The following VDAC1 variants were observed in gnomAD, a reference collection of about 807,000 sequenced individuals.
The protein encoded by VDAC1 is non-selective voltage-gated ion channel VDAC1.
A neutral mutation model predicts 34.7 loss-of-function variants in VDAC1; 10 were observed. The ratio of observed to expected loss-of-function variants is 0.29; its 90% CI spans 0.18 to 0.49. VDAC1 has a LOEUF of 0.49. VDAC1 is among the 20% of genes least tolerant of loss of function. VDAC1 has a pLI of 0.99. For synonymous variants in VDAC1, 130 were observed against 136.0 expected, an observed-to-expected ratio of 0.96 and a Z score of 0.30; for missense variants, 230 against 347.9, an observed-to-expected ratio of 0.66 and a Z score of 2.69.
At chr5:134,033,412 T>C in the VDAC1 span, among the ~76,000 whole-genome samples, 1 of 151,432 alleles carries the variant, frequency 6.6e-6, no homozygotes. Flanking sequence ...CGCCTCGGCC[T>C]CCCAAAGTGC....
the VDAC1 span, among the ~76,000 whole-genome samples, chr5:134,072,761 A>G: frequency 6.6e-6 from 1 of 152,286 alleles, no homozygotes; most frequent in East Asian, 1.9e-4. Flanking sequence ...CCTCTGCCCC[A>G]GTGATGGTCT....
the VDAC1 span, among the ~76,000 whole-genome samples, chr5:134,075,385 A>ACACT: frequency 6.6e-6 from 1 of 152,134 alleles, no homozygotes; most frequent in Non-Finnish European, 1.5e-5. Flanking sequence ...TACTATCCAC[A>ACACT]CACTAGTCAC....
At chr5:134,001,925 G>C (rs761466069) in intron 1 of VDAC1, among the ~76,000 whole-genome samples, 19 of 151,936 alleles carry the variant, frequency 1.3e-4, no homozygotes, top group Non-Finnish European at 2.6e-4. Flanking sequence ...AATGCGCCCA[G>C]ACCCAGCTGA....
chr5:134,046,359 C>T, the VDAC1 span, among the ~76,000 whole-genome samples: 11 of 151,992 alleles, frequency 7.2e-5, no homozygotes, highest in East Asian at 1.6e-3. Context: ...AAAATAGAGA[C>T]GGGGTCTCCT....
the VDAC1 span, among the ~76,000 whole-genome samples, chr5:134,017,680 G>A: frequency 2.0e-5 from 3 of 152,142 alleles, no homozygotes; most frequent in Non-Finnish European, 2.9e-5. Flanking sequence ...TTGGGAGGCC[G>A]AGGTGGGCGG....
At chr5:134,091,619 CA>C in the VDAC1 span, among the ~76,000 whole-genome samples, 9 of 152,198 alleles carry the variant, frequency 5.9e-5, no homozygotes, top group Non-Finnish European at 1.3e-4. Context: ...ACTAGGTCTG[CA>C]GACACATGAG....
chr5:134,064,600 G>T, the VDAC1 span, among the ~76,000 whole-genome samples: 1 of 151,972 alleles, frequency 6.6e-6, no homozygotes, highest in Non-Finnish European at 1.5e-5. Flanking sequence ...CGCTGGGCCT[G>T]GTCTGATTAT....
At chr5:134,097,652 G>A in the VDAC1 span, among the ~76,000 whole-genome samples, 1 of 152,184 alleles carries the variant, frequency 6.6e-6, no homozygotes, top group South Asian at 2.1e-4. Context: ...CTCACCCACG[G>A]TGGAGGGGCT....
chr5:134,096,213 C>A, the VDAC1 span, among the ~76,000 whole-genome samples: 1 of 152,260 alleles, frequency 6.6e-6, no homozygotes, highest in African/African-American at 2.4e-5. Context: ...CCTCAGCCCT[C>A]CCCAGGCCCC....
chr5:134,061,847 T>C, the VDAC1 span, among the ~76,000 whole-genome samples: 9 of 152,008 alleles, frequency 5.9e-5, no homozygotes, highest in South Asian at 1.9e-3. Context: ...TCATGTCAGA[T>C]TTTAACGGAA....
chr5:134,063,216 A>G, the VDAC1 span, among the ~76,000 whole-genome samples: 1 of 152,220 alleles, frequency 6.6e-6, no homozygotes, highest in Non-Finnish European at 1.5e-5. Context: ...ATATATTACT[A>G]TTAACTAAAC....
chr5:134,064,566 A>G, the VDAC1 span, among the ~76,000 whole-genome samples: 1 of 151,962 alleles, frequency 6.6e-6, no homozygotes, highest in Admixed American at 6.5e-5. Context: ...GGCCTCCCAA[A>G]GTGCTGGGAT....
the VDAC1 span, among the ~76,000 whole-genome samples, chr5:134,015,739 G>C: frequency 6.6e-6 from 1 of 151,814 alleles, no homozygotes; most frequent in African/African-American, 2.4e-5. Flanking sequence ...CCGCCTCCCG[G>C]GTTCAAGCGA....
At chr5:134,005,602 T>A (rs1040474366), upstream of VDAC1, 2 of 152,080 alleles carry the variant, frequency 1.3e-5, no homozygotes, top group African/African-American at 4.8e-5. Flanking sequence ...CGCGAGGAGA[T>A]CACGCCGGTT....
the VDAC1 span, among the ~76,000 whole-genome samples, chr5:134,099,782 T>C: frequency 2.0e-5 from 3 of 152,208 alleles, no homozygotes; most frequent in African/African-American, 7.2e-5. Flanking sequence ...AGGGTCTCCC[T>C]AAGTTGCCCA....
the VDAC1 span, among the ~76,000 whole-genome samples, chr5:134,091,396 G>T: frequency 6.6e-6 from 1 of 152,078 alleles, no homozygotes; most frequent in Non-Finnish European, 1.5e-5. Flanking sequence ...GAATCATCAT[G>T]CGTGGTCAGA....
At chr5:134,045,487 C>T in the VDAC1 span, among the ~76,000 whole-genome samples, 2 of 152,166 alleles carry the variant, frequency 1.3e-5, no homozygotes, top group Non-Finnish European at 2.9e-5. Flanking sequence ...CCAGGAGCTA[C>T]CTACGTTCCT....
At chr5:134,089,570 G>A in the VDAC1 span, among the ~76,000 whole-genome samples, 1 of 152,192 alleles carries the variant, frequency 6.6e-6, no homozygotes, top group Non-Finnish European at 1.5e-5. Context: ...GAGAGGTGGG[G>A]GGAGCCAGGC....
the VDAC1 span, among the ~76,000 whole-genome samples, chr5:134,072,992 C>T: frequency 6.6e-6 from 1 of 152,198 alleles, no homozygotes; most frequent in Non-Finnish European, 1.5e-5. Flanking sequence ...GGGTGAGTCG[C>T]TCACTGCACG....
Sources: gnomAD v4.1 joint callset for allele counts (sites outside exome capture counted in the v4.1 genomes callset) on GRCh38, gnomAD v4.1.1 for gene constraint, MANE v1.5 for transcripts, NCBI Gene and HGNC (gene_info 2026-07-23, HGNC 2026-07-21) for gene names.